Variants in DOCK1 observed in about 807,000 individuals in gnomAD.
DOCK1 encodes dedicator of cytokinesis 1.
Under a neutral mutation model 262.7 loss-of-function variants are expected in DOCK1, and 138 were observed. That is an observed-to-expected ratio of 0.53 (90% confidence interval 0.46 to 0.61). The LOEUF (loss-of-function observed/expected upper bound fraction) is 0.61. Ranked by LOEUF, DOCK1 falls within the 20% of genes least tolerant of loss-of-function variation. The pLI, the probability that DOCK1 is intolerant of heterozygous loss-of-function variation, is 0.00. For synonymous variants in DOCK1, 866 were observed against 867.4 expected (o/e 1.00, Z 0.03); for missense variants, 1,908 against 2,370.7 (o/e 0.80, Z 4.05).
At position 127,193,027 on chromosome 10, in the gene DOCK1, C is replaced by T. The variant is rs571022068; in HGVS notation, c.2848-54981C>T. Among the ~76,000 whole-genome samples, 76 of 152,226 alleles carry T rather than the reference C, an allele frequency of 5.0e-4. 1 individual carries two copies. Among genetic ancestry groups the T allele is most frequent in the Non-Finnish European group, 7.6e-4 (52 of 68,018 alleles). On this transcript the variant is annotated intron_variant, in intron 27 of 51. Transcript: ENST00000623213. Reference sequence around the variant, plus strand: ...GAGAATTTCATGGTAATGAAAGTGTCGTCATGTAGTATCAATCATATTAAA... The same window carrying T: ...GAGAATTTCATGGTAATGAAAGTGTTGTCATGTAGTATCAATCATATTAAA...
chr10:127,439,629 G>A (rs1044634718), intron 49 of DOCK1, among the ~76,000 whole-genome samples: 1 of 152,186 alleles, frequency 6.6e-6, no homozygotes, highest in African/African-American at 2.4e-5. Flanking sequence ...ACTCTTCTAA[G>A]CTAGTTACGG....
intron 14 of DOCK1, 56 bp from the exon 15 acceptor site, chr10:127,024,629 A>T: frequency 6.9e-7 from 1 of 1,443,222 alleles, no homozygotes; most frequent in South Asian, 1.3e-5. Flanking sequence ...TGGGAGATGT[A>T]TATGGTGTCA....
chr10:126,928,150 C>T (rs2033907966), intron 1 of DOCK1, among the ~76,000 whole-genome samples: 3 of 152,284 alleles, frequency 2.0e-5, no homozygotes, highest in African/African-American at 4.8e-5. Flanking sequence ...AGAGTGAAGG[C>T]GTTCAGCAGA....
chr10:126,943,094 C>CA (rs1243398704), intron 1 of DOCK1, among the ~76,000 whole-genome samples: 76,580 of 142,454 alleles, frequency 0.54, 20,196 homozygotes, highest in Non-Finnish European at 0.57. Flanking sequence ...CTATCTCTAC[C>CA]AAAAAAAAAA....
At chr10:127,023,764 G>A (rs1471905798) in intron 14 of DOCK1, among the ~76,000 whole-genome samples, 1 of 152,072 alleles carries the variant, frequency 6.6e-6, no homozygotes, top group Non-Finnish European at 1.5e-5. Context: ...GACCACCTTT[G>A]CCCAACCTTA....
chr10:127,145,956 C>A, intron 27 of DOCK1: 1 of 512,684 alleles, frequency 2.0e-6, no homozygotes. Context: ...TTCAAGACGC[C>A]TATCTGTGAG....
At chr10:127,262,051 T>G (rs1590182589) in intron 29 of DOCK1, among the ~76,000 whole-genome samples, 1 of 140,484 alleles carries the variant, frequency 7.1e-6, no homozygotes, top group African/African-American at 2.7e-5. Flanking sequence ...TGTGTGTACC[T>G]GTGCTCTTCT....
At chr10:127,186,553 C>G (rs1290474638) in intron 27 of DOCK1, among the ~76,000 whole-genome samples, 1 of 145,174 alleles carries the variant, frequency 6.9e-6, no homozygotes, top group African/African-American at 2.5e-5. Flanking sequence ...CAGTTCCACC[C>G]TTGACACATG....
chr10:126,946,353 C>T (rs977376708), intron 1 of DOCK1, among the ~76,000 whole-genome samples: 2 of 152,074 alleles, frequency 1.3e-5, no homozygotes, highest in African/African-American at 4.8e-5. Context: ...TCAAGACCAG[C>T]CTGGCCAACA....
intron 1 of DOCK1, among the ~76,000 whole-genome samples, chr10:126,942,863 A>G (rs1030763163): frequency 2.0e-5 from 3 of 152,314 alleles, no homozygotes; most frequent in East Asian, 3.9e-4. Flanking sequence ...TCATGACCTC[A>G]GTATAAATTC....
In DOCK1 at chr10:126,941,783, C is replaced by CA. The variant is rs1328886302; in HGVS notation, c.47-28911dup. Among the ~76,000 whole-genome samples the CA allele has an allele frequency of 2.0e-4, 30 of 150,986 alleles. 2 individuals are homozygous for CA. Among genetic ancestry groups the CA allele is most frequent in the Admixed American group, 1.3e-4 (2 of 15,114 alleles). On this transcript the variant is annotated intron_variant, in intron 1 of 51. Coordinates refer to ENST00000623213, the MANE Select transcript of DOCK1 (RefSeq NM_001290223.2). Reference sequence around the variant, plus strand: ...ACAGACAAAACAAAACAAAACAAAACAAAAAAAACAGCATTTGTGGATTGT... The same window carrying CA: ...ACAGACAAAACAAAACAAAACAAAACAAAAAAAAACAGCATTTGTGGATTGT...
At chr10:127,403,663 G>A (rs1315997986) in intron 39 of DOCK1, among the ~76,000 whole-genome samples, 1 of 152,200 alleles carries the variant, frequency 6.6e-6, no homozygotes, top group African/African-American at 2.4e-5. Context: ...GGAGGCTGAG[G>A]CTGGAGAATC....
At chr10:127,358,323 G>A (rs982005275) in intron 32 of DOCK1, among the ~76,000 whole-genome samples, 2 of 152,150 alleles carry the variant, frequency 1.3e-5, no homozygotes, top group African/African-American at 4.8e-5. Context: ...CCATGGGACA[G>A]AGTGATGTGT....
At chr10:127,296,784 G>T (rs113327916) in intron 29 of DOCK1, among the ~76,000 whole-genome samples, 3 of 152,172 alleles carry the variant, frequency 2.0e-5, no homozygotes, top group African/African-American at 4.8e-5. Flanking sequence ...GCGGTAGGGG[G>T]TGCTCTTCAC....
intron 29 of DOCK1, among the ~76,000 whole-genome samples, chr10:127,317,636 T>C (rs943027937): frequency 6.6e-6 from 1 of 152,184 alleles, no homozygotes; most frequent in African/African-American, 2.4e-5. Flanking sequence ...CAAAACCACC[T>C]TGTGCTGCAC....
At chr10:127,039,039 G>C (rs1259092759) in intron 19 of DOCK1, among the ~76,000 whole-genome samples, 2 of 152,090 alleles carry the variant, frequency 1.3e-5, no homozygotes, top group Non-Finnish European at 2.9e-5. Context: ...AGAAAGAGAC[G>C]ACCTTATCTC....
intron 27 of DOCK1, among the ~76,000 whole-genome samples, chr10:127,221,414 C>T (rs2050305): frequency 0.35 from 53,639 of 151,922 alleles, 9,812 homozygotes; most frequent in East Asian, 0.42. Flanking sequence ...GATATTGATC[C>T]TCATGTATGT....
intron 1 of DOCK1, among the ~76,000 whole-genome samples, chr10:126,961,553 A>G (rs1009178988): frequency 4.6e-5 from 7 of 152,164 alleles, no homozygotes; most frequent in Admixed American, 6.5e-5. Flanking sequence ...GAGTTTGACA[A>G]CTCGAGGAAG....
At chr10:127,085,040 G>A (rs1332335706) in intron 23 of DOCK1, among the ~76,000 whole-genome samples, 3 of 152,144 alleles carry the variant, frequency 2.0e-5, no homozygotes, top group Non-Finnish European at 4.4e-5. Flanking sequence ...CCCAAAGCTT[G>A]ATTCTCACCT....
Sources: gnomAD v4.1 joint callset for allele counts (sites outside exome capture counted in the v4.1 genomes callset) on GRCh38, gnomAD v4.1.1 for gene constraint, MANE v1.5 for transcripts, NCBI Gene and HGNC (gene_info 2026-07-23, HGNC 2026-07-21) for gene names.